The following DNAH11 variants were observed in gnomAD, a reference collection of about 807,000 sequenced individuals.
DNAH11 encodes dynein axonemal heavy chain 11.
Under a neutral mutation model 526.0 loss-of-function variants are expected in DNAH11, and 442 were observed. That is an observed-to-expected ratio of 0.84 (90% CI 0.78 to 0.91). DNAH11 has a LOEUF of 0.91. Ranked by LOEUF, DNAH11 falls within the 40% of genes least tolerant of loss-of-function variation. The pLI, the probability that DNAH11 is intolerant of heterozygous loss-of-function variation, is 0.00. For missense variants in DNAH11, 6,989 were observed against 5,448.7 expected, an observed-to-expected ratio of 1.28 and a Z score of -8.90; for synonymous variants, 2,461 against 1,935.9, an observed-to-expected ratio of 1.27 and a Z score of -7.12.
chr7:21,620,616 A>G (rs1197232225), intron 25 of DNAH11, among the ~76,000 whole-genome samples: 1 of 151,788 alleles, frequency 6.6e-6, no homozygotes, highest in African/African-American at 2.4e-5. Flanking sequence ...CACAATGTGC[A>G]GGTTAGTTAC....
intron 57 of DNAH11, among the ~76,000 whole-genome samples, chr7:21,783,763 A>C (rs1362644619): frequency 2.6e-5 from 4 of 152,068 alleles, no homozygotes; most frequent in African/African-American, 9.7e-5. Flanking sequence ...AAGAGGTGCC[A>C]CTGGATCCAC....
Position 21,818,251 on chromosome 7 carries a change from G to A in DNAH11, c.10603G>A (p.Gly3535Ser), listed in dbSNP as rs754522996. 6.2e-7 allele frequency: 1 copy of A among 1,611,974 alleles called. No individual in the cohort carries two copies. Among genetic ancestry groups the A allele is most frequent in the South Asian group, 1.1e-5 (1 of 90,798 alleles). ...LNAIETALAF[G>S]DVILIENLEE... ...TGCCATTGAAACTGCTTTGGCCTTT[G>A]GTGATGTCATCTTAATTGAAAATCT... Residue 3535 changes from glycine (G) to serine (S), a missense_variant, in exon 65 of 82, where the codon GGT (glycine) becomes AGT (serine). Physicochemically the swap from Gly to Ser is moderately conservative, Grantham distance 56. Coordinates refer to ENST00000409508, the MANE Select transcript of DNAH11 (RefSeq NM_001277115.2).
At chr7:21,897,761 C>T (rs547296073) in intron 79 of DNAH11, among the ~76,000 whole-genome samples, 27 of 152,244 alleles carry the variant, frequency 1.8e-4, no homozygotes, top group African/African-American at 6.3e-4. Context: ...GGATTACAGG[C>T]ATGTGCCACC....
chr7:21,774,560 A>T (rs1211430500), intron 56 of DNAH11, among the ~76,000 whole-genome samples: 1 of 152,224 alleles, frequency 6.6e-6, no homozygotes, highest in Admixed American at 6.5e-5. Flanking sequence ...GATGTTAATC[A>T]TGTGTGGGTC....
At chr7:21,760,479 A>G (rs2128496290) in intron 54 of DNAH11, among the ~76,000 whole-genome samples, 1 of 152,272 alleles carries the variant, frequency 6.6e-6, no homozygotes, top group East Asian at 1.9e-4. Flanking sequence ...GACTCTTAAT[A>G]AGCATTTTAC....
intron 65 of DNAH11, among the ~76,000 whole-genome samples, chr7:21,821,866 G>A (rs10807808): frequency 0.41 from 62,069 of 151,740 alleles, 13,546 homozygotes; most frequent in East Asian, 0.81. Flanking sequence ...TCCCCCGCCA[G>A]CTTCTCTTCC....
chr7:21,803,975 A>T (rs986545914), intron 62 of DNAH11, among the ~76,000 whole-genome samples: 12 of 152,240 alleles, frequency 7.9e-5, no homozygotes, highest in African/African-American at 2.9e-4. Flanking sequence ...ATCTCATGGG[A>T]CTGGGCACAC....
Position 21,543,196 on chromosome 7 carries a change from G to A in DNAH11, c.-50G>A, listed in dbSNP as rs756810530. ...CCTCGCTCACTTCGGGGGGCCCAGA[G>A]TCTCGGGTGAGGAGCCAGCCGGCCT... On this transcript the variant is annotated 5_prime_UTR_variant, in exon 1 of 82. Transcript: ENST00000409508. The A allele has an allele frequency of 3.4e-6, 5 of 1,467,174 alleles. No individual in the cohort carries two copies. Among genetic ancestry groups the A allele is most frequent in the Non-Finnish European group, 3.6e-6 (4 of 1,115,136 alleles). The allele number at this position is 1,467,174 out of a possible 1,614,324, so 90.9% of individuals were successfully genotyped here. A position where few individuals can be genotyped will look rare whatever the true frequency, so the allele number is the denominator to read the frequency against.
intron 56 of DNAH11, among the ~76,000 whole-genome samples, chr7:21,778,471 A>AT (rs1276575184): frequency 6.6e-6 from 1 of 152,210 alleles, no homozygotes. Context: ...ATCAGTGGGC[A>AT]TTTTAATATG....
At chr7:21,860,422 G>A (rs1402930378) in intron 68 of DNAH11, among the ~76,000 whole-genome samples, 1 of 152,228 alleles carries the variant, frequency 6.6e-6, no homozygotes, top group African/African-American at 2.4e-5. Context: ...ATTACCATAT[G>A]ATCAAGCAAT....
intron 34 of DNAH11, among the ~76,000 whole-genome samples, chr7:21,688,213 C>A (rs1468450590): frequency 1.3e-5 from 2 of 152,174 alleles, no homozygotes; most frequent in Non-Finnish European, 2.9e-5. Flanking sequence ...ACCTCTCCTA[C>A]ATCTCTCTCC....
intron 27 of DNAH11, among the ~76,000 whole-genome samples, chr7:21,638,478 C>T (rs967710139): frequency 5.9e-5 from 9 of 152,234 alleles, no homozygotes; most frequent in African/African-American, 1.9e-4. Flanking sequence ...TATGACTCCT[C>T]TGAATACCTG....
intron 62 of DNAH11, among the ~76,000 whole-genome samples, chr7:21,805,939 C>G (rs1289931277): frequency 6.6e-6 from 1 of 152,110 alleles, no homozygotes; most frequent in Non-Finnish European, 1.5e-5. Flanking sequence ...GGAAGCTCAG[C>G]CATTCAGACT....
At chr7:21,557,167 A>G (rs913176099) in intron 2 of DNAH11, among the ~76,000 whole-genome samples, 1 of 151,986 alleles carries the variant, frequency 6.6e-6, no homozygotes, top group Admixed American at 6.5e-5. Context: ...TTCACAAACT[A>G]CCCGTGCCGT....
intron 72 of DNAH11, 24 bp from the exon 73 acceptor site, chr7:21,868,839 CT>C (rs1354681517): frequency 6.2e-7 from 1 of 1,613,470 alleles, no homozygotes; most frequent in Non-Finnish European, 8.5e-7. Context: ...GACATTTCCT[CT>C]CACCGTGGTG....
intron 68 of DNAH11, among the ~76,000 whole-genome samples, chr7:21,860,665 T>C (rs935380033): frequency 6.6e-6 from 1 of 152,212 alleles, no homozygotes; most frequent in African/African-American, 2.4e-5. Context: ...AACCTTGATA[T>C]TATCCTAATT....
chr7:21,602,021 G>A (rs1236201877), intron 18 of DNAH11, among the ~76,000 whole-genome samples: 2 of 151,414 alleles, frequency 1.3e-5, no homozygotes, highest in African/African-American at 4.9e-5. Flanking sequence ...CCCTAGTCTT[G>A]CAAACGTATC....
intron 73 of DNAH11, among the ~76,000 whole-genome samples, chr7:21,869,423 G>A (rs116672058): frequency 6.6e-6 from 1 of 151,858 alleles, no homozygotes; most frequent in African/African-American, 2.4e-5. Flanking sequence ...CCAGGTCCTT[G>A]TCACACAACC....
chr7:21,616,327 C>T (rs764135058), intron 22 of DNAH11, 35 bp downstream of exon 22: 17 of 1,536,168 alleles, frequency 1.1e-5, no homozygotes, highest in African/African-American at 1.4e-5. Context: ...AACAATTTAT[C>T]TTTCTCAGCA....
Sources: gnomAD v4.1 joint callset for allele counts (sites outside exome capture counted in the v4.1 genomes callset) on GRCh38, gnomAD v4.1.1 for gene constraint, MANE v1.5 for transcripts, NCBI Gene and HGNC (gene_info 2026-07-23, HGNC 2026-07-21) for gene names.